Variants in SUV39H2 observed in about 807,000 individuals in gnomAD.
The protein encoded by SUV39H2 is histone-lysine N-methyltransferase SUV39H2.
Under a neutral mutation model 47.5 loss-of-function variants are expected in SUV39H2, and 10 were observed. The ratio of observed to expected loss-of-function variants is 0.21; its 90% CI spans 0.13 to 0.36. SUV39H2 has a LOEUF of 0.36. Ranked by LOEUF, SUV39H2 falls within the 10% of genes least tolerant of loss-of-function variation. The pLI is 1.00. For synonymous variants in SUV39H2, 159 were observed against 166.8 expected, an observed-to-expected ratio of 0.95 and a Z score of 0.36; for missense variants, 266 against 487.4, an observed-to-expected ratio of 0.55 and a Z score of 4.28.
At chr10:14,901,104 C>T (rs371256048) in intron 4 of SUV39H2, 29 bp from the exon 5 acceptor site, 3 of 1,611,540 alleles carry the variant, frequency 1.9e-6, no homozygotes, top group African/African-American at 2.7e-5. Flanking sequence ...ACCGTTTGTA[C>T]TTAAATGGGT....
intron 5 of SUV39H2, among the ~76,000 whole-genome samples, chr10:14,902,173 A>G (rs1157095962): frequency 2.0e-5 from 3 of 152,228 alleles, no homozygotes; most frequent in Admixed American, 6.5e-5. Context: ...TTATTAACCC[A>G]CACCATCCTT....
At chr10:14,885,324 CAT>C (rs1293924519) in intron 2 of SUV39H2, among the ~76,000 whole-genome samples, 1 of 152,212 alleles carries the variant, frequency 6.6e-6, no homozygotes, top group African/African-American at 2.4e-5. Flanking sequence ...TTAACAGAAA[CAT>C]AATTCTCCCA....
At position 14,902,509 on chromosome 10, in the gene SUV39H2, C is replaced by G; in HGVS notation, c.1230C>G (p.Asn410Lys). Residue 410 changes from asparagine to lysine, a missense_variant, in exon 6 of 6, where the codon AAC becomes AAG. By Grantham distance (94) the Asn-to-Lys change is moderately conservative. Around this residue, in one of 4 missense-constraint regions of SUV39H2, gnomAD observed 112 missense variants for 271.9 expected, o/e 0.41. Transcript: ENST00000354919. Reference protein sequence around the residue: ...CGAVTCRGYLN With the variant: ...CGAVTCRGYLK ...CTGTGACTTGCAGAGGTTACCTCAA[C>G]TGAACTTTTTCAGGAAATAGAGCTG... The G allele has an allele frequency of 6.4e-7, 1 of 1,565,974 alleles. No individual in the cohort carries two copies. Among genetic ancestry groups the G allele is most frequent in the Non-Finnish European group, 8.6e-7 (1 of 1,161,604 alleles).
intron 1 of SUV39H2, among the ~76,000 whole-genome samples, chr10:14,881,216 G>A (rs1425011385): frequency 6.6e-6 from 1 of 152,076 alleles, no homozygotes; most frequent in Admixed American, 6.6e-5. Context: ...TCTTAAAAAA[G>A]CTTACAGACA....
intron 2 of SUV39H2, among the ~76,000 whole-genome samples, chr10:14,895,918 T>C (rs1307198134): frequency 1.3e-5 from 2 of 152,092 alleles, no homozygotes; most frequent in Non-Finnish European, 2.9e-5. Flanking sequence ...GTGTGGGTTT[T>C]TTTTTTTTGC....
At chr10:14,881,432 A>C (rs1833037367) in intron 1 of SUV39H2, 68 bp from the exon 2 acceptor site, 1 of 1,272,896 alleles carries the variant, frequency 7.9e-7, no homozygotes, top group African/African-American at 1.5e-5. Context: ...TAGAGGTTTT[A>C]AGTTTCTCTT....
At chr10:14,893,096 G>C (rs1350668415) in intron 2 of SUV39H2, among the ~76,000 whole-genome samples, 1 of 148,344 alleles carries the variant, frequency 6.7e-6, no homozygotes, top group Non-Finnish European at 1.5e-5. Context: ...TCCGCCCCCT[G>C]GGGTTCACGC....
At chr10:14,882,469 C>G (rs1298960990) in intron 2 of SUV39H2, among the ~76,000 whole-genome samples, 1 of 152,226 alleles carries the variant, frequency 6.6e-6, no homozygotes, top group African/African-American at 2.4e-5. Context: ...CCTGCACTCT[C>G]AGCATCCTTC....
Position 14,881,500 on chromosome 10 carries a change from C to T in SUV39H2, c.32C>T (p.Ala11Val). ...AAAGAATTCTATTTTCTTATTGTAG[C>T]TTGGTGTGTGCCTTGCCTAGTTTCA... is the stretch of plus-strand genomic sequence containing the variant. MAAVGAEARG[A>V]WCVPCLVSLD... Residue 11 changes from alanine to valine, a missense_variant and splice_region_variant, in exon 2 of 6, where the codon GCT becomes GTT. Transcript: ENST00000354919. 1 of 1,527,828 alleles carries T rather than the reference C, an allele frequency of 6.5e-7. No homozygotes were observed. Among genetic ancestry groups the T allele is most frequent in the Non-Finnish European group, 8.7e-7 (1 of 1,143,184 alleles). The allele number at this position is 1,527,828 out of a possible 1,614,324, so 94.6% of individuals were successfully genotyped here.
intron 2 of SUV39H2, among the ~76,000 whole-genome samples, chr10:14,885,007 T>C (rs1437080738): frequency 1.3e-5 from 2 of 152,216 alleles, no homozygotes; most frequent in Admixed American, 6.5e-5. Context: ...TTCCTACTTC[T>C]TTTCCACCTG....
At chr10:14,883,436 G>T (rs117445560) in intron 2 of SUV39H2, among the ~76,000 whole-genome samples, 4,667 of 151,912 alleles carry the variant, frequency 0.031, 122 homozygotes, top group Middle Eastern at 0.085. Flanking sequence ...CGGGCACGGT[G>T]GCTCACGCCT....
intron 3 of SUV39H2, chr10:14,897,835 C>T (rs569771930): frequency 1.7e-5 from 3 of 176,700 alleles, no homozygotes; most frequent in Non-Finnish European, 3.5e-5. Flanking sequence ...TAAGAAGAAA[C>T]TCAGATGTAA....
intron 2 of SUV39H2, among the ~76,000 whole-genome samples, chr10:14,885,179 A>G (rs116556214): frequency 1.3e-3 from 191 of 152,140 alleles, no homozygotes; most frequent in African/African-American, 4.2e-3. Flanking sequence ...GGCTCATTCA[A>G]TCTTTCTGAG....
chr10:14,879,875 TTGTC>T (rs1370181101), intron 1 of SUV39H2: 4 of 152,162 alleles, frequency 2.6e-5, no homozygotes, highest in African/African-American at 9.6e-5. Context: ...TGTCGAGAGA[TTGTC>T]TTTCTTTTTT....
chr10:14,893,301 C>T (rs1833455557), intron 2 of SUV39H2, among the ~76,000 whole-genome samples: 4 of 152,010 alleles, frequency 2.6e-5, no homozygotes, highest in Admixed American at 2.6e-4. Context: ...CCGCGCCCGG[C>T]CTTTGTATTT....
At chr10:14,884,375 G>A (rs1833140534) in intron 2 of SUV39H2, among the ~76,000 whole-genome samples, 1 of 152,228 alleles carries the variant, frequency 6.6e-6, no homozygotes, top group African/African-American at 2.4e-5. Context: ...TAGTAGGTTT[G>A]AAGTGGCATC....
chr10:14,891,530 A>G lies in SUV39H2; in HGVS notation c.178-5316A>G, dbSNP rs529961210. 1.5e-4 allele frequency among the ~76,000 whole-genome samples: 23 copies of G among 152,306 alleles called. No homozygotes were observed. The South Asian group carries it at 3.1e-3, about 21-fold the overall frequency. On this transcript the variant is annotated intron_variant, in intron 2 of 5. Coordinates refer to ENST00000354919, the MANE Select transcript of SUV39H2 (RefSeq NM_001193424.2). The stretch of plus-strand genomic sequence containing the variant: ...TGAAGCTGTAAGTCTGGAGTAGGGA[A>G]ACTAGTTGGAAGATTAATGTTTAAG...
At chr10:14,879,263 C>T (rs1032769791) in intron 1 of SUV39H2, 6 of 437,214 alleles carry the variant, frequency 1.4e-5, no homozygotes, top group African/African-American at 1.0e-4. Context: ...GTTGGAGGTC[C>T]GGGGGGCACG....
rs1204592677 is a variant in SUV39H2 at position 14,894,410 on chromosome 10, C to T, written c.178-2436C>T. Reference sequence around the variant, plus strand: ...TGAGACGGAGTCTCGCTCTGTCGCCCAGGCTGGAGTGCAGTGGCGCGATCT... The same window carrying T: ...TGAGACGGAGTCTCGCTCTGTCGCCTAGGCTGGAGTGCAGTGGCGCGATCT... On this transcript the variant is annotated intron_variant, in intron 2 of 5. Coordinates refer to ENST00000354919, the MANE Select transcript of SUV39H2 (RefSeq NM_001193424.2). 6.5e-4 allele frequency among the ~76,000 whole-genome samples: 35 copies of T among 53,918 alleles called. 9 individuals are homozygous for T. Among genetic ancestry groups the T allele is most frequent in the Middle Eastern group, 0.011 (1 of 94 alleles). The allele number at this position is 53,918 out of a possible 152,430, so 35.4% of individuals were successfully genotyped here. A position where few individuals can be genotyped will look rare whatever the true frequency, so the allele number is the denominator to read the frequency against.
Sources: allele counts gnomAD v4.1 joint callset (sites outside exome capture counted in the v4.1 genomes callset), GRCh38; gene constraint gnomAD v4.1.1; regional missense constraint gnomAD v4.1.1; transcripts MANE v1.5; gene names NCBI Gene and HGNC (gene_info 2026-07-23, HGNC 2026-07-21).